Variants in OSBPL10 observed in about 807,000 individuals in gnomAD.
The protein encoded by OSBPL10 is oxysterol binding protein like 10, also known as oxysterol-binding protein-related protein 10.
Under a neutral mutation model 81.7 loss-of-function variants are expected in OSBPL10, and 49 were observed. That is an observed-to-expected ratio of 0.60 (90% confidence interval 0.48 to 0.76). The LOEUF (loss-of-function observed/expected upper bound fraction) is 0.76, where lower values mean the gene tolerates loss of function less well. Ranked by LOEUF, OSBPL10 falls within the 30% of genes least tolerant of loss-of-function variation. The probability of loss-of-function intolerance (pLI) is 0.00; values close to 1 mark genes in which losing one functional copy is unlikely to be tolerated. For synonymous variants in OSBPL10, 419 were observed against 383.6 expected (o/e 1.09, Z -1.08); for missense variants, 923 against 987.8 (o/e 0.93, Z 0.88).
At chr3:31,692,462 C>A (rs1695587076) in intron 7 of OSBPL10, among the ~76,000 whole-genome samples, 1 of 152,208 alleles carries the variant, frequency 6.6e-6, no homozygotes, top group Middle Eastern at 3.4e-3. Flanking sequence ...GCATTAGACA[C>A]AAACTTGTCA....
At chr3:31,663,419 A>C (rs1681298820) in intron 11 of OSBPL10, 3 of 986,558 alleles carry the variant, frequency 3.0e-6, no homozygotes, top group Non-Finnish European at 1.2e-6. Context: ...ACATTTTCAT[A>C]ATTTCCAATT....
chr3:31,759,584 C>G (rs1697974040), intron 4 of OSBPL10, among the ~76,000 whole-genome samples: 1 of 151,940 alleles, frequency 6.6e-6, no homozygotes, highest in Non-Finnish European at 1.5e-5. Flanking sequence ...TATATATGGC[C>G]AACCCTTAAA....
intron 6 of OSBPL10, among the ~76,000 whole-genome samples, chr3:31,711,755 T>A (rs1316989370): frequency 6.6e-6 from 1 of 152,034 alleles, no homozygotes; most frequent in East Asian, 1.9e-4. Flanking sequence ...GTGATGAAAA[T>A]GTTCTAAAAT....
At chr3:31,732,016 CCA>C (rs1157580639) in intron 6 of OSBPL10, among the ~76,000 whole-genome samples, 1 of 152,002 alleles carries the variant, frequency 6.6e-6, no homozygotes, top group Non-Finnish European at 1.5e-5. Context: ...TGTGATAGCC[CCA>C]GTTAGGTTTT....
intron 1 of OSBPL10, among the ~76,000 whole-genome samples, chr3:32,050,820 C>A (rs149636727): frequency 0.024 from 3,719 of 152,150 alleles, 77 homozygotes; most frequent in East Asian, 0.095. Flanking sequence ...TGCTACCATG[C>A]CCGGCTAATT....
chr3:31,773,085 G>C (rs924062956), intron 4 of OSBPL10, among the ~76,000 whole-genome samples: 3 of 149,920 alleles, frequency 2.0e-5, no homozygotes, highest in African/African-American at 7.4e-5. Flanking sequence ...TAAATAAAAA[G>C]TCATCTCTTG....
At chr3:32,017,206 C>A (rs1275214697) in intron 2 of OSBPL10, among the ~76,000 whole-genome samples, 7 of 152,114 alleles carry the variant, frequency 4.6e-5, no homozygotes, top group African/African-American at 1.7e-4. Flanking sequence ...CGCTACGAGG[C>A]AAATAGCATT....
intron 1 of OSBPL10, among the ~76,000 whole-genome samples, chr3:31,904,989 G>A (rs1474785205): frequency 1.3e-5 from 2 of 152,178 alleles, no homozygotes; most frequent in African/African-American, 4.8e-5. Context: ...TAAAACAAAA[G>A]TATAAGCAAC....
At chr3:31,919,035 T>C (rs569659127) in intron 1 of OSBPL10, among the ~76,000 whole-genome samples, 4 of 152,214 alleles carry the variant, frequency 2.6e-5, no homozygotes, top group African/African-American at 7.2e-5. Flanking sequence ...ATGTCAAACA[T>C]CCTGCAACTC....
rs28588534 is a variant in OSBPL10 at position 31,857,809 on chromosome 3, A to T, written c.537+18624T>A. Among the ~76,000 whole-genome samples, 6 of 35,438 alleles carry T rather than the reference A, an allele frequency of 1.7e-4. No individual in the cohort carries two copies. The East Asian group carries it at 3.0e-3, about 18-fold the overall frequency. The allele number at this position is 35,438 out of a possible 152,430, so 23.2% of individuals were successfully genotyped here. A position where few individuals can be genotyped will look rare whatever the true frequency, so the allele number is the denominator to read the frequency against. ...GGGGGGGAGAGACAGAAAGGGAGAG[A>T]GAGAGAAAGGGAGAGGGAGAGGGAG... On this transcript the variant is annotated intron_variant, in intron 3 of 11. Transcript: ENST00000396556.
chr3:31,892,694 G>A lies in OSBPL10; in HGVS notation c.282-12864C>T, dbSNP rs547067339. 2.0e-5 allele frequency among the ~76,000 whole-genome samples: 3 copies of A among 152,292 alleles called. No homozygotes were observed. In the South Asian group the frequency reaches 6.2e-4, roughly 32 times the overall value. On this transcript the variant is annotated intron_variant, in intron 1 of 11. Coordinates refer to ENST00000396556, the MANE Select transcript of OSBPL10 (RefSeq NM_017784.5). ...ACCGGTAGTTCGACTGGGGCAGCAG[G>A]GTTCTGCTGCCTGAGGGAGAGGGAG... is the stretch of plus-strand genomic sequence containing the variant.
intron 4 of OSBPL10, among the ~76,000 whole-genome samples, chr3:31,816,414 C>G (rs1418543055): frequency 6.6e-6 from 1 of 152,190 alleles, no homozygotes; most frequent in Non-Finnish European, 1.5e-5. Context: ...GATAGTCAGG[C>G]TCCCTTCGCT....
intron 1 of OSBPL10, among the ~76,000 whole-genome samples, chr3:31,912,146 A>G (rs1696598162): frequency 6.6e-6 from 1 of 152,190 alleles, no homozygotes; most frequent in South Asian, 2.1e-4. Flanking sequence ...CTGTAATCCC[A>G]GAACTTTGGG....
upstream of OSBPL10, among the ~76,000 whole-genome samples, chr3:31,984,639 A>G (rs1435084213): frequency 6.6e-6 from 1 of 152,218 alleles, no homozygotes; most frequent in Non-Finnish European, 1.5e-5. Context: ...ACCTCTGGAA[A>G]AATGGCAGAT....
rs1452746347 is a variant in OSBPL10 at position 31,663,827 on chromosome 3, TCTGACA to T, written c.2250+246_2250+251del. ...CCTCACAGGCAGGCTGACATGCTTT[TCTGACA>T]TAGGGATACTGGAGGGGAAGTGTCA... is the stretch of plus-strand genomic sequence containing the variant. On this transcript the variant is annotated intron_variant, in intron 11 of 11. Coordinates refer to ENST00000396556, the MANE Select transcript of OSBPL10 (RefSeq NM_017784.5). 4.3e-6 allele frequency: 6 copies of T among 1,395,968 alleles called. No homozygotes were observed. The African/African-American group carries it at 8.7e-5, about 20-fold the overall frequency. The allele number at this position is 1,395,968 out of a possible 1,614,324, so 86.5% of individuals were successfully genotyped here.
intron 4 of OSBPL10, among the ~76,000 whole-genome samples, chr3:31,765,687 T>C (rs1042037939): frequency 7.9e-5 from 12 of 152,128 alleles, no homozygotes; most frequent in Non-Finnish European, 1.6e-4. Context: ...GACTTTAAAA[T>C]TAGCAAGTGA....
Position 31,946,379 on chromosome 3 carries a change from G to A in OSBPL10, c.281+34520C>T, listed in dbSNP as rs868695356. On this transcript the variant is annotated intron_variant, in intron 1 of 11. Transcript: ENST00000396556. ...CAATTAAGAATTTAAGAAAAATTAA[G>A]AATTTTATTAAGTTGTTTTTTATCA... Among the ~76,000 whole-genome samples the A allele has an allele frequency of 8.5e-4, 123 of 144,078 alleles. No individual in the cohort carries two copies. The Middle Eastern group carries it at 0.025, about 30-fold the overall frequency. 94.5% of individuals were successfully genotyped at this position (144,078 alleles called of 152,430 possible). A position where few individuals can be genotyped will look rare whatever the true frequency, so the allele number is the denominator to read the frequency against.
chr3:31,846,637 A>T (rs1700640687), intron 3 of OSBPL10, among the ~76,000 whole-genome samples: 1 of 11,178 alleles, frequency 8.9e-5, no homozygotes, highest in Non-Finnish European at 2.1e-4. Flanking sequence ...CATCTCAATA[A>T]ATAAATAAAT....
At chr3:31,667,018 A>G (rs1411774271) in intron 10 of OSBPL10, among the ~76,000 whole-genome samples, 2 of 152,336 alleles carry the variant, frequency 1.3e-5, no homozygotes, top group East Asian at 3.9e-4. Context: ...TCCCTGCTCT[A>G]AGCTGAATTC....
Sources: allele counts gnomAD v4.1 joint callset (sites outside exome capture counted in the v4.1 genomes callset), GRCh38; gene constraint gnomAD v4.1.1; transcripts MANE v1.5; gene names NCBI Gene and HGNC (gene_info 2026-07-23, HGNC 2026-07-21).